ANPEP: variants seen among roughly 807,000 people sequenced by gnomAD.
ANPEP encodes aminopeptidase N.
ANPEP carries 70 observed loss-of-function variants against 114.6 expected under a neutral mutation model. The observed-to-expected ratio is 0.61, with a 90% CI of 0.50 to 0.75. The LOEUF (loss-of-function observed/expected upper bound fraction) is 0.75, where lower values mean the gene tolerates loss of function less well. Among genes scored for constraint, ANPEP ranks in the 30% least tolerant of loss-of-function variants. The pLI is 0.00. For missense variants in ANPEP, 1,184 were observed against 1,259.5 expected (o/e 0.94, Z 0.91); for synonymous variants, 548 against 522.3 (o/e 1.05, Z -0.67).
chr15:89,806,420 G>A lies in ANPEP; in HGVS notation c.164C>T (p.Ala55Val), dbSNP rs1306871670. 6.2e-7 allele frequency: 1 copy of A among 1,614,104 alleles called. No homozygotes were observed. Among genetic ancestry groups the A allele is most frequent in the Non-Finnish European group, 8.5e-7 (1 of 1,179,994 alleles). ...GGTGGCCGAGGCGGGGTTGGTGGTG[G>A]CTGAGGCGGACGGGGTGGTGGAGGC... ...PVASTTPSAS[A>V]TTNPASATTL... The change falls in exon 2 of 21, where the codon GCC becomes GTC. Residue 55 changes from alanine (A) to valine (V), a missense_variant. Coordinates refer to ENST00000300060, the MANE Select transcript of ANPEP (RefSeq NM_001150.3). This position sits in a 1 kb window ranked among gnomAD's most constrained non-coding sequence, Gnocchi z 5.7.
intron 20 of ANPEP, 120 bp downstream of exon 20, chr15:89,790,340 G>C: frequency 1.2e-6 from 1 of 800,544 alleles, no homozygotes. Context: ...CTCTGTAAAT[G>C]AGGAAGGCCT....
intron 1 of ANPEP, among the ~76,000 whole-genome samples, chr15:89,813,878 C>G (rs571335462): frequency 1.3e-5 from 2 of 152,124 alleles, no homozygotes; most frequent in South Asian, 2.1e-4. Context: ...TGACCACCCC[C>G]GAACACGGCC....
At chr15:89,787,332 GCCATGCCTGGCCAAT>G (rs1968526617) in intron 20 of ANPEP, among the ~76,000 whole-genome samples, 1 of 152,070 alleles carries the variant, frequency 6.6e-6, no homozygotes, top group Admixed American at 6.6e-5. Flanking sequence ...GGCGTGAGCC[GCCATGCCTGGCCAAT>G]AAAACTCTTA....
intron 20 of ANPEP, among the ~76,000 whole-genome samples, chr15:89,787,407 A>T (rs1345674054): frequency 6.6e-6 from 1 of 152,188 alleles, no homozygotes; most frequent in East Asian, 1.9e-4. Context: ...TTTTTGAAAT[A>T]AAAAAATAGG....
intron 1 of ANPEP, among the ~76,000 whole-genome samples, chr15:89,813,573 G>A (rs955524621): frequency 3.3e-5 from 5 of 152,100 alleles, no homozygotes; most frequent in African/African-American, 1.2e-4. Context: ...GGGCCTCATG[G>A]GCCCAGCACA....
chr15:89,797,583 G>C lies in ANPEP; in HGVS notation c.2149C>G (p.Pro717Ala), dbSNP rs780044759. 37 of 1,612,980 alleles carry C rather than the reference G, an allele frequency of 2.3e-5. No individual in the cohort carries two copies. Among genetic ancestry groups the C allele is most frequent in the Middle Eastern group, 1.6e-4 (1 of 6,082 alleles). The part of the protein sequence containing the change: ...LMFDRSEVYG[P>A]MKNYLKKQVT... ...ACCATGCACCTCCGTACCTTCATGG[G>C]GCCATAGACCTCGGAGCGGTCAAAC... The change falls in exon 15 of 21, where the codon CCC becomes GCC. Residue 717 changes from proline to alanine, a missense_variant. Coordinates refer to ENST00000300060, the MANE Select transcript of ANPEP (RefSeq NM_001150.3).
rs538081784 is a variant in ANPEP at position 89,799,460 on chromosome 15, C to T, written c.1919G>A (p.Arg640Lys). ...TCTCTGCAGCTGAGTCTGAATCTTC[C>T]TCCAGTTCTCTTCGTCGTAGTTCAC... ...YRVNYDEENWRKIQTQLQRDH... is the reference protein window; with the variant it reads ...YRVNYDEENWKKIQTQLQRDH... Residue 640 changes from arginine (R) to lysine (K), a missense_variant, in exon 13 of 21, where the codon AGG (arginine) becomes AAG (lysine). Arg to Lys is a conservative substitution (Grantham distance 26). Transcript: ENST00000300060. This position sits in a 1 kb window ranked among gnomAD's most constrained non-coding sequence, Gnocchi z 4.2. 4.6e-5 allele frequency: 75 copies of T among 1,614,188 alleles called. No homozygotes were observed. In the South Asian group the frequency reaches 7.6e-4, roughly 16 times the overall value.
Position 89,806,329 on chromosome 15 carries a change from G to A in ANPEP, c.255C>T (p.Tyr85=). The change falls in exon 2 of 21, where the codon TAC becomes TAT. Residue 85 remains tyrosine, a synonymous_variant. Coordinates refer to ENST00000300060, the MANE Select transcript of ANPEP (RefSeq NM_001150.3). This position sits in a 1 kb window ranked among gnomAD's most constrained non-coding sequence, Gnocchi z 5.7. The part of the protein sequence containing the change: ...RLPNTLKPDS[Y]RVTLRPYLTP... ...TGAGGTACGGTCTCAGCGTCACCCGGTAGGAATCGGGTTTCAGCGTGTTGG... is the reference window on the plus strand; with the variant it reads ...TGAGGTACGGTCTCAGCGTCACCCGATAGGAATCGGGTTTCAGCGTGTTGG... 2 of 1,614,168 alleles carry A rather than the reference G, an allele frequency of 1.2e-6. No homozygotes were observed. The highest frequency in any genetic ancestry group is 1.7e-6 in the Non-Finnish European group (2 of 1,180,010).
chr15:89,790,911 C>A, intron 19 of ANPEP, 42 bp downstream of exon 19: 2 of 1,603,750 alleles, frequency 1.2e-6, no homozygotes, highest in Non-Finnish European at 1.7e-6. Flanking sequence ...GGGGCCCCAG[C>A]CTCGGCGCTC....
chr15:89,790,424 G>A (rs770961758), intron 20 of ANPEP, 36 bp downstream of exon 20: 1 of 1,594,622 alleles, frequency 6.3e-7, no homozygotes, highest in Non-Finnish European at 8.6e-7. Context: ...TGGGAAGGAA[G>A]TAGGCAGAGC....
Position 89,801,494 on chromosome 15 carries a change from A to T in ANPEP, c.1683T>A (p.Leu561=). Residue 561 remains leucine (L), a synonymous_variant, in exon 11 of 21, where the codon CTT becomes CTA. Coordinates refer to ENST00000300060, the MANE Select transcript of ANPEP (RefSeq NM_001150.3). ...GGTCAAGGAGGAAGTGCTCCTGGGA[A>T]AGGGTCCCCGTGCTGGTATCCACCG... is the stretch of plus-strand genomic sequence containing the variant. ...VITVDTSTGT[L]SQEHFLLDPD... is the part of the protein sequence containing the mutation. 6.2e-7 allele frequency: 1 copy of T among 1,614,126 alleles called. No homozygotes were observed. Among genetic ancestry groups the T allele is most frequent in the Non-Finnish European group, 8.5e-7 (1 of 1,179,978 alleles).
intron 10 of ANPEP, chr15:89,802,780 G>A (rs1003102593): frequency 3.1e-5 from 6 of 194,054 alleles, no homozygotes; most frequent in African/African-American, 1.4e-4. Flanking sequence ...GGGTCTGATG[G>A]AGAGGAACTC....
chr15:89,798,963 CAAACAA>C (rs1405521914), intron 14 of ANPEP, among the ~76,000 whole-genome samples: 4 of 149,464 alleles, frequency 2.7e-5, no homozygotes, highest in South Asian at 2.1e-4. Flanking sequence ...AACAAACAAA[CAAACAA>C]AAACAAAAAC....
At chr15:89,790,317 G>T in intron 20 of ANPEP, 143 bp downstream of exon 20, 1 of 645,264 alleles carries the variant, frequency 1.5e-6, no homozygotes, top group South Asian at 1.9e-5. Context: ...CCAAAGTCTG[G>T]CTACTCGGCT....
rs756753459 is a variant in ANPEP, at chr15:89,792,346, G to A, written c.2361-19C>T. 17 of 1,613,534 alleles carry A rather than the reference G, an allele frequency of 1.1e-5. No homozygotes were observed. The highest frequency in any genetic ancestry group is 3.3e-5 in the Admixed American group (2 of 59,998). On this transcript the variant is annotated intron_variant, in intron 17 of 20. Transcript: ENST00000300060. Reference sequence around the variant, plus strand: ...GTGGATCCTGGTGTGGGGTAGGGAGGTCAGGTGTGGAACAGCAGCGGGGAG... The same window carrying A: ...GTGGATCCTGGTGTGGGGTAGGGAGATCAGGTGTGGAACAGCAGCGGGGAG...
At chr15:89,804,872 T>A in intron 4 of ANPEP, 1 of 851,560 alleles carries the variant, frequency 1.2e-6, no homozygotes, top group East Asian at 2.7e-5. Flanking sequence ...GGTCAGGAAC[T>A]CCCTTCATGA....
Position 89,799,441 on chromosome 15 carries a change from C to A in ANPEP, c.1938G>T (p.Leu646=). 1 of 1,614,182 alleles carries A rather than the reference C, an allele frequency of 6.2e-7. No individual in the cohort carries two copies. Among genetic ancestry groups the A allele is most frequent in the Non-Finnish European group, 8.5e-7 (1 of 1,180,030 alleles). ...AGACACTCACCGAGTGGTCTCTCTG[C>A]AGCTGAGTCTGAATCTTCCTCCAGT... The part of the protein sequence containing the change: ...EENWRKIQTQ[L]QRDHSAIPVI... The change falls in exon 13 of 21, where the codon CTG becomes CTT. Residue 646 remains leucine (L), a synonymous_variant. Coordinates refer to ENST00000300060, the MANE Select transcript of ANPEP (RefSeq NM_001150.3). This position sits in a 1 kb window ranked among gnomAD's most constrained non-coding sequence, Gnocchi z 4.2.
At chr15:89,808,723 C>A (rs1894768052) in intron 1 of ANPEP, among the ~76,000 whole-genome samples, 1 of 152,214 alleles carries the variant, frequency 6.6e-6, no homozygotes, top group Non-Finnish European at 1.5e-5. Context: ...CCTTCCTGCT[C>A]CCTCAGCTCT....
At chr15:89,792,090 G>T in intron 18 of ANPEP, 70 bp downstream of exon 18, 2 of 1,544,046 alleles carry the variant, frequency 1.3e-6, no homozygotes, top group Non-Finnish European at 1.8e-6. Flanking sequence ...CTGGCGAGGA[G>T]TGTGGAGGCC....
Sources: allele counts gnomAD v4.1 joint callset (sites outside exome capture counted in the v4.1 genomes callset), GRCh38; gene constraint gnomAD v4.1.1; non-coding constraint Gnocchi (gnomAD v3.1); transcripts MANE v1.5; gene names NCBI Gene and HGNC (gene_info 2026-07-23, HGNC 2026-07-21).